Variants in SLC25A1 observed in about 807,000 individuals in gnomAD.
SLC25A1 encodes the protein tricarboxylate transport protein, mitochondrial.
SLC25A1 carries 26 observed loss-of-function variants against 38.1 expected under a neutral mutation model. The observed-to-expected ratio is 0.68, with a 90% CI of 0.50 to 0.95. The LOEUF (loss-of-function observed/expected upper bound fraction) is 0.95, where lower values mean the gene tolerates loss of function less well. Among genes scored for constraint, SLC25A1 ranks in the 40% least tolerant of loss-of-function variants. The pLI is 0.00. For missense variants in SLC25A1, 378 were observed against 426.6 expected, an observed-to-expected ratio of 0.89 and a Z score of 1.00; for synonymous variants, 211 against 183.2, an observed-to-expected ratio of 1.15 and a Z score of -1.23.
rs201011707 is a variant in SLC25A1, at chr22:19,176,465, C to G, written c.777G>C (p.Thr259=). 28 of 1,613,784 alleles carry G rather than the reference C, an allele frequency of 1.7e-5. No individual in the cohort carries two copies. Among genetic ancestry groups the G allele is most frequent in the Non-Finnish European group, 1.9e-5 (23 of 1,180,032 alleles). Residue 259 remains threonine, a synonymous_variant, in exon 8 of 9, where the codon ACG becomes ACC. Transcript: ENST00000215882. ...TCAGGATCTGCAAGCCGCAGTCCCA[C>G]GTGTTCCGGTATTTGTGCGCCTCCA... The part of the protein sequence containing the change: ...QGLEAHKYRN[T]WDCGLQILKK...
rs2083997252 is a variant in SLC25A1 at position 19,178,049 on chromosome 22, A to AG, written c.203-9dup. 4 of 1,578,824 alleles carry AG rather than the reference A, an allele frequency of 2.5e-6. No homozygotes were observed. The highest frequency in any genetic ancestry group is 2.6e-6 in the Non-Finnish European group (3 of 1,164,992). On this transcript the variant is annotated splice_polypyrimidine_tract_variant and intron_variant, in intron 2 of 8. Coordinates refer to ENST00000215882, the MANE Select transcript of SLC25A1 (RefSeq NM_005984.5). This position sits in a 1 kb window ranked among gnomAD's most constrained non-coding sequence, Gnocchi z 4.9. ...TCTGCCGCACGCAGTCCCCTGGGGG[A>AG]GGGGGCGGTCAGGACCCCACGGCCC...
In SLC25A1 at chr22:19,178,299, C is replaced by T. The variant is rs1005836255; in HGVS notation, c.95-59G>A. ...CGCCCGGCCGCTGGCGCTCGGGCCC[C>T]TCCCCCGTCCCGGACTTCGGTCGGC... is the stretch of plus-strand genomic sequence containing the variant. On this transcript the variant is annotated intron_variant, in intron 1 of 8. Coordinates refer to ENST00000215882, the MANE Select transcript of SLC25A1 (RefSeq NM_005984.5). This position sits in a 1 kb window ranked among gnomAD's most constrained non-coding sequence, Gnocchi z 4.9. 1 of 1,535,146 alleles carries T rather than the reference C, an allele frequency of 6.5e-7. No individual in the cohort carries two copies. Among genetic ancestry groups the T allele is most frequent in the Non-Finnish European group, 8.8e-7 (1 of 1,140,424 alleles).
In SLC25A1 at chr22:19,176,013, C is replaced by T; in HGVS notation, c.*117G>A. On this transcript the variant is annotated 3_prime_UTR_variant, in exon 9 of 9. Transcript: ENST00000215882. Reference sequence around the variant, plus strand: ...CAGCCACAATGCACAGACCAGGCTACAGAGCTCGAGGGACGTGGGAAGGGG... The same window carrying T: ...CAGCCACAATGCACAGACCAGGCTATAGAGCTCGAGGGACGTGGGAAGGGG... 1 of 784,426 alleles carries T rather than the reference C, an allele frequency of 1.3e-6. No individual in the cohort carries two copies. Among genetic ancestry groups the T allele is most frequent in the East Asian group, 2.6e-5 (1 of 39,008 alleles). The allele number at this position is 784,426 out of a possible 1,614,324, so 48.6% of individuals were successfully genotyped here. A position where few individuals can be genotyped will look rare whatever the true frequency, so the allele number is the denominator to read the frequency against.
In SLC25A1 at chr22:19,178,502, A is replaced by C. The variant is rs2146149888; in HGVS notation, c.94+78T>G. The C allele has an allele frequency of 3.0e-6, 4 of 1,317,990 alleles. No homozygotes were observed. In the South Asian group the frequency reaches 6.2e-5, roughly 21 times the overall value. The allele number at this position is 1,317,990 out of a possible 1,614,324, so 81.6% of individuals were successfully genotyped here. On this transcript the variant is annotated intron_variant, in intron 1 of 8. Transcript: ENST00000215882. The surrounding 1 kb of genome is among the most constrained non-coding windows in gnomAD (Gnocchi z 4.9). ...CTCCCCAGCCCACGGCCCAACCCGG[A>C]AGTGGGGCGGGGCCTCAGCGTCCCG...
rs2083955049 is a variant in SLC25A1 at position 19,176,092 on chromosome 22, G to A, written c.*38C>T. The A allele has an allele frequency of 6.5e-7, 1 of 1,531,208 alleles. No individual in the cohort carries two copies. Among genetic ancestry groups the A allele is most frequent in the East Asian group, 2.2e-5 (1 of 44,488 alleles). The allele number at this position is 1,531,208 out of a possible 1,614,324, so 94.9% of individuals were successfully genotyped here. A position where few individuals can be genotyped will look rare whatever the true frequency, so the allele number is the denominator to read the frequency against. ...GAGACAAAGGTAGCAGGACACTCTGGCGGTGCCTGGGGCGGTCCCCTTGCG... is the reference window on the plus strand; with the variant it reads ...GAGACAAAGGTAGCAGGACACTCTGACGGTGCCTGGGGCGGTCCCCTTGCG... On this transcript the variant is annotated 3_prime_UTR_variant, in exon 9 of 9. Transcript: ENST00000215882.
chr22:19,177,745 G>C lies in SLC25A1; in HGVS notation c.423C>G (p.Cys141Trp). Residue 141 changes from cysteine (C) to tryptophan (W), a missense_variant, in exon 4 of 9, where the codon TGC becomes TGG. Coordinates refer to ENST00000215882, the MANE Select transcript of SLC25A1 (RefSeq NM_005984.5). The stretch of plus-strand genomic sequence containing the variant: ...TCCCCACCTTGATGGTCTCCATGGG[G>C]CACACGACCACCACGGCCTCGGCCA... Reference protein sequence around the residue: ...AGVAEAVVVVCPMETIKVKFI... With the variant: ...AGVAEAVVVVWPMETIKVKFI... 1 of 1,608,424 alleles carries C rather than the reference G, an allele frequency of 6.2e-7. No homozygotes were observed. Among genetic ancestry groups the C allele is most frequent in the Non-Finnish European group, 8.5e-7 (1 of 1,179,530 alleles).
rs782677335 is a variant in SLC25A1 at position 19,178,118 on chromosome 22, C to T, written c.202+15G>A. ...GTACCCGCCCCCCGCGGCGCCGCGG[C>T]CTCCCCCTCCTCACCGATGCCCCGG... On this transcript the variant is annotated intron_variant, in intron 2 of 8. Coordinates refer to ENST00000215882, the MANE Select transcript of SLC25A1 (RefSeq NM_005984.5). This position sits in a 1 kb window ranked among gnomAD's most constrained non-coding sequence, Gnocchi z 4.9. 2 of 1,536,498 alleles carry T rather than the reference C, an allele frequency of 1.3e-6. No individual in the cohort carries two copies. The highest frequency in any genetic ancestry group is 4.1e-5 in the Admixed American group (2 of 49,042).
rs1259931937 is a variant in SLC25A1 at position 19,178,678 on chromosome 22, G to A, written c.-5C>T. On this transcript the variant is annotated 5_prime_UTR_variant, in exon 1 of 9. Coordinates refer to ENST00000215882, the MANE Select transcript of SLC25A1 (RefSeq NM_005984.5). The surrounding 1 kb of genome is among the most constrained non-coding windows in gnomAD (Gnocchi z 4.9). Reference sequence around the variant, plus strand: ...CGGGGCGCGGGGCGCGGGCATGGCGGGCGGGAGGCGGGGCGCCCTGTGGCG... The same window carrying A: ...CGGGGCGCGGGGCGCGGGCATGGCGAGCGGGAGGCGGGGCGCCCTGTGGCG... 9 of 1,109,136 alleles carry A rather than the reference G, an allele frequency of 8.1e-6. No homozygotes were observed. Among genetic ancestry groups the A allele is most frequent in the Non-Finnish European group, 9.9e-6 (9 of 907,326 alleles). The allele number at this position is 1,109,136 out of a possible 1,614,324, so 68.7% of individuals were successfully genotyped here.
chr22:19,178,734 C>T lies in SLC25A1; in HGVS notation c.-61G>A. 3 of 844,524 alleles carry T rather than the reference C, an allele frequency of 3.6e-6. No homozygotes were observed. Among genetic ancestry groups the T allele is most frequent in the Non-Finnish European group, 4.4e-6 (3 of 681,802 alleles). The allele number at this position is 844,524 out of a possible 1,614,324, so 52.3% of individuals were successfully genotyped here. A position where few individuals can be genotyped will look rare whatever the true frequency, so the allele number is the denominator to read the frequency against. ...GGGTCCGAGACTCCAGAACTCCGCG[C>T]TCGGTCCGCGGTGGCGGCGGCGGCC... On this transcript the variant is annotated 5_prime_UTR_variant, in exon 1 of 9. Coordinates refer to ENST00000215882, the MANE Select transcript of SLC25A1 (RefSeq NM_005984.5). The surrounding 1 kb of genome is among the most constrained non-coding windows in gnomAD (Gnocchi z 4.9).
chr22:19,178,621 C>CCGGACG lies in SLC25A1; in HGVS notation c.47_52dup (p.Ala16_Ser17dup). The stretch of plus-strand genomic sequence containing the variant: ...CCCCGGGTGCGTCAGCTTGGCCTTC[C>CCGGACG]CGGACGCGGGCGCGGCGGCCGCCAG... On this transcript the variant is annotated inframe_insertion, in exon 1 of 9. Transcript: ENST00000215882. This position sits in a 1 kb window ranked among gnomAD's most constrained non-coding sequence, Gnocchi z 4.9. 5.8e-6 allele frequency: 7 copies of CCGGACG among 1,199,846 alleles called. No individual in the cohort carries two copies. Among genetic ancestry groups the CCGGACG allele is most frequent in the Non-Finnish European group, 7.2e-6 (7 of 967,320 alleles). 74.3% of individuals were successfully genotyped at this position (1,199,846 alleles called of 1,614,324 possible). A position where few individuals can be genotyped will look rare whatever the true frequency, so the allele number is the denominator to read the frequency against.
chr22:19,177,072 A>G, intron 5 of SLC25A1, 48 bp downstream of exon 5: 4 of 1,595,884 alleles, frequency 2.5e-6, no homozygotes, highest in Non-Finnish European at 3.4e-6. Context: ...GGCCCTTCCC[A>G]CCCTGGCCCA....
At position 19,177,079 on chromosome 22, in the gene SLC25A1, C is replaced by T. The variant is rs868950142; in HGVS notation, c.526+41G>A. The T allele has an allele frequency of 8.7e-6, 14 of 1,603,756 alleles. No homozygotes were observed. In the Middle Eastern group the frequency reaches 1.8e-3, roughly 208 times the overall value. On this transcript the variant is annotated intron_variant, in intron 5 of 8. Transcript: ENST00000215882. ...GAGGTGCAGGCCCTTCCCACCCTGG[C>T]CCAGGTCCCTGAGCCCTATCAGGAA...
chr22:19,176,955 G>A lies in SLC25A1; in HGVS notation c.527-5C>T, dbSNP rs782329763. ...CCTGGTACGTCCCCTTCAGCCCTGC[G>A]GGAAGGCAGGCACGGGGTTACCCTG... On this transcript the variant is annotated splice_polypyrimidine_tract_variant and splice_region_variant and intron_variant, in intron 5 of 8. Coordinates refer to ENST00000215882, the MANE Select transcript of SLC25A1 (RefSeq NM_005984.5). 4.1e-5 allele frequency: 66 copies of A among 1,613,302 alleles called. No individual in the cohort carries two copies. The highest frequency in any genetic ancestry group is 1.7e-4 in the Middle Eastern group (1 of 6,020).
At chr22:19,176,784 G>T in intron 6 of SLC25A1, 62 bp downstream of exon 6, 1 of 1,598,010 alleles carries the variant, frequency 6.3e-7, no homozygotes, top group Non-Finnish European at 8.6e-7. Context: ...CCCAGGGGTG[G>T]CCCCAAGGAG....
chr22:19,177,290 T>C, intron 4 of SLC25A1, 86 bp from the exon 5 acceptor site: 1 of 1,088,666 alleles, frequency 9.2e-7, no homozygotes, highest in Non-Finnish European at 1.4e-6. Context: ...CCATCCAGGG[T>C]GGAGGGAACT....
Position 19,177,206 on chromosome 22 carries a change from TGA to T in SLC25A1, c.442-4_442-3del, listed in dbSNP as rs1555922658. 3 of 1,613,372 alleles carry T rather than the reference TGA, an allele frequency of 1.9e-6. No homozygotes were observed. Among genetic ancestry groups the T allele is most frequent in the Non-Finnish European group, 1.7e-6 (2 of 1,179,448 alleles). On this transcript the variant is annotated splice_polypyrimidine_tract_variant and splice_region_variant and intron_variant, in intron 4 of 8. Coordinates refer to ENST00000215882, the MANE Select transcript of SLC25A1 (RefSeq NM_005984.5). ...GGTCTGGTCGTGGATGAACTTCACC[TGA>T]GAGAGAGAAGCAAAGGCGCAGGTTC...
In SLC25A1 at chr22:19,176,942, C is replaced by T. The variant is rs782651198; in HGVS notation, c.535G>A (p.Gly179Arg). The T allele has an allele frequency of 1.9e-6, 3 of 1,613,560 alleles. No individual in the cohort carries two copies. The highest frequency in any genetic ancestry group is 2.5e-6 in the Non-Finnish European group (3 of 1,180,002). ...REIVREQGLK[G>R]TYQGLTATVL... ...GTGGCTGTGAGGCCCTGGTACGTCC[C>T]CTTCAGCCCTGCGGGAAGGCAGGCA... Residue 179 changes from glycine (G) to arginine (R), a missense_variant, in exon 6 of 9, where the codon GGG becomes AGG. Gly to Arg is a moderately radical substitution (Grantham distance 125). Transcript: ENST00000215882.
rs782460590 is a variant in SLC25A1 at position 19,178,141 on chromosome 22, C to T, written c.194G>A (p.Arg65Gln). The T allele has an allele frequency of 4.5e-6, 7 of 1,546,220 alleles. No individual in the cohort carries two copies. In the African/African-American group the frequency reaches 5.6e-5, roughly 12 times the overall value. Residue 65 changes from arginine (R) to glutamine (Q), a missense_variant, in exon 2 of 9, where the codon CGG (arginine) becomes CAG (glutamine). Physicochemically the swap from Arg to Gln is conservative, Grantham distance 43. Coordinates refer to ENST00000215882, the MANE Select transcript of SLC25A1 (RefSeq NM_005984.5). The surrounding 1 kb of genome is among the most constrained non-coding windows in gnomAD (Gnocchi z 4.9). ...LDERSHPPRY[R>Q]GIGDCVRQTV... ...GGCCTCCCCCTCCTCACCGATGCCC[C>T]GGTACCGCGGCGGGTGCGAGCGCTC... is the stretch of plus-strand genomic sequence containing the variant.
intron 8 of SLC25A1, 59 bp downstream of exon 8, chr22:19,176,362 C>A (rs559287151): frequency 1.9e-6 from 3 of 1,586,718 alleles, no homozygotes; most frequent in African/African-American, 1.3e-5. Flanking sequence ...AGTGGGCAGG[C>A]CAGGTAGGCC....
Sources: allele counts gnomAD v4.1 joint callset, GRCh38; gene constraint gnomAD v4.1.1; non-coding constraint Gnocchi (gnomAD v3.1); transcripts MANE v1.5; gene names NCBI Gene and HGNC (gene_info 2026-07-23, HGNC 2026-07-21).